CDH13: variants seen among roughly 807,000 people sequenced by gnomAD.
CDH13 encodes cadherin 13, also known as cadherin-13.
A neutral mutation model predicts 63.8 loss-of-function variants in CDH13; 24 were observed. The observed-to-expected ratio is 0.38, with a 90% CI of 0.27 to 0.53. The LOEUF (loss-of-function observed/expected upper bound fraction) is 0.53. Among genes scored for constraint, CDH13 ranks in the 20% least tolerant of loss-of-function variants. The pLI is 0.85. For synonymous variants in CDH13, 503 were observed against 355.3 expected (o/e 1.42, Z -4.67); for missense variants, 1,049 against 903.1 (o/e 1.16, Z -2.07).
intron 7 of CDH13, among the ~76,000 whole-genome samples, chr16:83,529,375 A>T (rs2075033541): frequency 6.6e-6 from 1 of 152,156 alleles, no homozygotes; most frequent in African/African-American, 2.4e-5. Flanking sequence ...ATTTGAGTTT[A>T]TATGTATAAG....
chr16:82,949,361 T>C (rs1905064481), intron 2 of CDH13, among the ~76,000 whole-genome samples: 1 of 152,188 alleles, frequency 6.6e-6, no homozygotes, highest in Admixed American at 6.5e-5. Context: ...TTTTCTTATA[T>C]GGACCCCACG....
At chr16:82,913,119 A>C (rs1024592228) in intron 2 of CDH13, among the ~76,000 whole-genome samples, 2 of 152,160 alleles carry the variant, frequency 1.3e-5, no homozygotes, top group African/African-American at 4.8e-5. Flanking sequence ...TGGTTTAAGT[A>C]AATTTTTTTC....
chr16:83,500,120 T>C (rs1269437114), intron 7 of CDH13, among the ~76,000 whole-genome samples: 1 of 151,642 alleles, frequency 6.6e-6, no homozygotes, highest in Non-Finnish European at 1.5e-5. Context: ...GTTAATCATT[T>C]TAAAAAGCAG....
At chr16:83,058,414 G>A (rs1730425408) in intron 3 of CDH13, among the ~76,000 whole-genome samples, 1 of 152,180 alleles carries the variant, frequency 6.6e-6, no homozygotes, top group Admixed American at 6.5e-5. Flanking sequence ...GTGTTCCTAT[G>A]TTTCAACATG....
At chr16:82,636,897 T>TA (rs1490031176) in intron 1 of CDH13, among the ~76,000 whole-genome samples, 2 of 152,216 alleles carry the variant, frequency 1.3e-5, no homozygotes, top group African/African-American at 4.8e-5. Context: ...TGCTACCTGA[T>TA]ACTAACTGGC....
intron 7 of CDH13, among the ~76,000 whole-genome samples, chr16:83,554,888 G>A (rs899462224): frequency 1.4e-5 from 2 of 145,390 alleles, no homozygotes; most frequent in African/African-American, 2.6e-5. Context: ...TGCAGCACAT[G>A]TATTCCCATT....
intron 10 of CDH13, among the ~76,000 whole-genome samples, chr16:83,703,016 C>A (rs945199285): frequency 6.6e-6 from 1 of 152,200 alleles, no homozygotes; most frequent in African/African-American, 2.4e-5. Flanking sequence ...ATCCTGTCTG[C>A]CTCTGCTATG....
intron 7 of CDH13, among the ~76,000 whole-genome samples, chr16:83,538,865 A>C (rs975415265): frequency 6.6e-6 from 1 of 152,200 alleles, no homozygotes; most frequent in Non-Finnish European, 1.5e-5. Flanking sequence ...ATTAATATAA[A>C]ATTTTGTAAA....
In CDH13 at chr16:83,486,499, A is replaced by G; in HGVS notation, c.804A>G (p.Thr268=). The G allele has an allele frequency of 6.2e-7, 1 of 1,613,666 alleles. No individual in the cohort carries two copies. Among genetic ancestry groups the G allele is most frequent in the Non-Finnish European group, 8.5e-7 (1 of 1,179,718 alleles). The change falls in exon 7 of 14, where the codon ACA becomes ACG. Residue 268 remains threonine, a synonymous_variant. Transcript: ENST00000567109. ...TAGGCACCACAGTGATGCGGATGAC[A>G]GCCTTTGATGCAGATGACCCAGCCA... is the stretch of plus-strand genomic sequence containing the variant. ...SPTGTTVMRM[T]AFDADDPATD...
chr16:82,885,478 TCCAC>T (rs1415467229), intron 2 of CDH13, among the ~76,000 whole-genome samples: 26 of 101,996 alleles, frequency 2.5e-4, no homozygotes, highest in Admixed American at 1.9e-3. Flanking sequence ...CATCCATCCA[TCCAC>T]CCATCCATCC....
At chr16:83,635,813 A>C (rs1911210335) in intron 8 of CDH13, among the ~76,000 whole-genome samples, 1 of 152,120 alleles carries the variant, frequency 6.6e-6, no homozygotes, top group South Asian at 2.1e-4. Context: ...ATTTCATGCA[A>C]GTCCAATTTA....
At chr16:82,940,709 C>T (rs1485904452) in intron 2 of CDH13, among the ~76,000 whole-genome samples, 1 of 152,084 alleles carries the variant, frequency 6.6e-6, no homozygotes, top group Non-Finnish European at 1.5e-5. Flanking sequence ...ACTTGATTAC[C>T]AATCAGTGCT....
chr16:83,305,500 A>G (rs1458754331), intron 5 of CDH13, among the ~76,000 whole-genome samples: 2 of 152,084 alleles, frequency 1.3e-5, no homozygotes, highest in African/African-American at 2.4e-5. Flanking sequence ...GCACTTTTGG[A>G]GGGTTTTGTC....
chr16:83,758,004 C>G (rs1241397834), intron 11 of CDH13, among the ~76,000 whole-genome samples: 2 of 151,442 alleles, frequency 1.3e-5, no homozygotes, highest in Non-Finnish European at 2.9e-5. Flanking sequence ...TGGTGCACGC[C>G]TGTAATCCCA....
chr16:82,879,606 G>C (rs1056914798), intron 2 of CDH13, among the ~76,000 whole-genome samples: 1 of 136,328 alleles, frequency 7.3e-6, no homozygotes, highest in African/African-American at 2.7e-5. Context: ...ATATGTAATT[G>C]TATATTTATA....
intron 1 of CDH13, among the ~76,000 whole-genome samples, chr16:82,679,466 C>T (rs1257685834): frequency 5.3e-5 from 8 of 152,134 alleles, no homozygotes; most frequent in Non-Finnish European, 1.0e-4. Flanking sequence ...GCATGGAAGG[C>T]TTAAACATTA....
At chr16:83,307,478 G>T (rs986970665) in intron 5 of CDH13, among the ~76,000 whole-genome samples, 8 of 152,068 alleles carry the variant, frequency 5.3e-5, no homozygotes, top group African/African-American at 1.9e-4. Context: ...TAGTTGTGTG[G>T]GCAGTTCTGA....
At chr16:83,414,165 G>A (rs558591605) in intron 6 of CDH13, among the ~76,000 whole-genome samples, 2 of 152,174 alleles carry the variant, frequency 1.3e-5, no homozygotes, top group Non-Finnish European at 2.9e-5. Flanking sequence ...ACATCCAATA[G>A]CTGTTTTTCT....
intron 6 of CDH13, among the ~76,000 whole-genome samples, chr16:83,376,417 G>T (rs750022913): frequency 4.6e-5 from 7 of 152,144 alleles, no homozygotes; most frequent in Non-Finnish European, 8.8e-5. Context: ...GGGAAAAGGA[G>T]AATGCTGATA....
Sources: gnomAD v4.1 joint callset for allele counts (sites outside exome capture counted in the v4.1 genomes callset) on GRCh38, gnomAD v4.1.1 for gene constraint, MANE v1.5 for transcripts, NCBI Gene and HGNC (gene_info 2026-07-23, HGNC 2026-07-21) for gene names.